The following TBC1D32 variants were observed in gnomAD, a reference collection of about 807,000 sequenced individuals.
TBC1D32 encodes protein broad-minded.
Under a neutral mutation model 170.3 loss-of-function variants are expected in TBC1D32, and 151 were observed. That is an observed-to-expected ratio of 0.89 (90% confidence interval 0.78 to 1.01). TBC1D32 has a LOEUF of 1.01. TBC1D32 is among the 50% of genes least tolerant of loss of function. The pLI is 0.00. For missense variants in TBC1D32, 1,464 were observed against 1,457.1 expected, an observed-to-expected ratio of 1.00 and a Z score of -0.08; for synonymous variants, 498 against 488.0, an observed-to-expected ratio of 1.02 and a Z score of -0.27.
intron 5 of TBC1D32, among the ~76,000 whole-genome samples, chr6:121,306,987 T>C (rs1807415652): frequency 1.3e-5 from 2 of 152,328 alleles, no homozygotes; most frequent in Admixed American, 6.5e-5. Context: ...CCATAATTCA[T>C]CATTTTTCAT....
At position 121,159,014 on chromosome 6, in the gene TBC1D32, C is replaced by T. The variant is rs555654197; in HGVS notation, c.2773+996G>A. Among the ~76,000 whole-genome samples, 11 of 152,322 alleles carry T rather than the reference C, an allele frequency of 7.2e-5. No homozygotes were observed. The East Asian group carries it at 1.4e-3, about 19-fold the overall frequency. On this transcript the variant is annotated intron_variant, in intron 24 of 31. Coordinates refer to ENST00000398212, the MANE Select transcript of TBC1D32 (RefSeq NM_152730.6). ...AATCTCAGACATTGTTCAACTACCA[C>T]AGTTCTCTGACTATAACTTGCTTCT...
intron 22 of TBC1D32, among the ~76,000 whole-genome samples, chr6:121,193,409 C>T (rs972368071): frequency 3.9e-5 from 6 of 152,176 alleles, no homozygotes; most frequent in African/African-American, 1.4e-4. Context: ...TGGGAGGGTC[C>T]AGAAGATACA....
chr6:121,243,366 C>T lies in TBC1D32; in HGVS notation c.2019-1027G>A, dbSNP rs557710529. Among the ~76,000 whole-genome samples, 115 of 152,042 alleles carry T rather than the reference C, an allele frequency of 7.6e-4. 2 individuals carry two copies. The South Asian group carries it at 0.024, about 31-fold the overall frequency. ...ATAATATTGACTGGCTGACCCAATC[C>T]CCATCTACAGCCACTTTTTCACCAA... On this transcript the variant is annotated intron_variant, in intron 17 of 31. Transcript: ENST00000398212.
At chr6:121,185,570 A>G (rs1237317331) in intron 22 of TBC1D32, among the ~76,000 whole-genome samples, 1 of 152,116 alleles carries the variant, frequency 6.6e-6, no homozygotes, top group Non-Finnish European at 1.5e-5. Context: ...AGATTGCCAT[A>G]GGCAGAGACC....
Position 121,304,588 on chromosome 6 carries a change from A to AT in TBC1D32, c.806dup (p.Asn269LysfsTer14), listed in dbSNP as rs776196407. On this transcript the variant is annotated frameshift_variant, in exon 7 of 32. Coordinates refer to ENST00000398212, the MANE Select transcript of TBC1D32 (RefSeq NM_152730.6). LOFTEE classifies it high-confidence loss of function. ...CACCAGCTGAAAGAGTAGGAATATGATTTTCCCTAGAAAGAAAGTATGACT... is the reference window on the plus strand; with the variant it reads ...CACCAGCTGAAAGAGTAGGAATATGATTTTTCCCTAGAAAGAAAGTATGACT... 1 of 1,611,398 alleles carries AT rather than the reference A, an allele frequency of 6.2e-7. No individual in the cohort carries two copies. The highest frequency in any genetic ancestry group is 1.1e-5 in the South Asian group (1 of 90,516).
chr6:121,145,398 T>C (rs1398515406), intron 24 of TBC1D32, among the ~76,000 whole-genome samples: 2 of 152,098 alleles, frequency 1.3e-5, no homozygotes, highest in African/African-American at 4.8e-5. Context: ...ATCTCGCTTA[T>C]GTGCAAACTG....
chr6:121,303,531 T>C, intron 9 of TBC1D32, 86 bp downstream of exon 9: 1 of 1,098,776 alleles, frequency 9.1e-7, no homozygotes, highest in Non-Finnish European at 1.2e-6. Flanking sequence ...TTAGAACTCT[T>C]AGCACACAGT....
chr6:121,086,945 T>C (rs1776326687), intron 31 of TBC1D32, among the ~76,000 whole-genome samples: 1 of 152,218 alleles, frequency 6.6e-6, no homozygotes, highest in African/African-American at 2.4e-5. Context: ...TGGATGTTTT[T>C]CCCCTTGGAA....
chr6:121,197,391 TAGG>T (rs1208248889), intron 22 of TBC1D32, among the ~76,000 whole-genome samples: 1 of 152,186 alleles, frequency 6.6e-6, no homozygotes, highest in Non-Finnish European at 1.5e-5. Context: ...GAATGGGTAG[TAGG>T]AGAAGGTAGT....
At chr6:121,223,386 C>A in intron 20 of TBC1D32, 34 bp from the exon 21 acceptor site, 1 of 1,417,866 alleles carries the variant, frequency 7.1e-7, no homozygotes, top group South Asian at 1.2e-5. Context: ...TTAAATGATT[C>A]ACTTTTGTCA....
chr6:121,099,464 G>A (rs967339844), intron 30 of TBC1D32, among the ~76,000 whole-genome samples: 8 of 151,670 alleles, frequency 5.3e-5, no homozygotes, highest in African/African-American at 7.3e-5. Context: ...TACTCTAGTT[G>A]AGCTTATTTT....
Position 121,292,080 on chromosome 6 carries a change from A to G in TBC1D32, c.1345T>C (p.Phe449Leu). ...TTTTTATTCTTCAGCTTAATAGGAA[A>G]TAGTTTTCTGCCTTGTTTATAGATC... ...LLIYKQGRKL[F>L]PIKLKNKKGL... The change falls in exon 12 of 32, where the codon TTT becomes CTT. Residue 449 changes from phenylalanine to leucine, a missense_variant. This residue lies in a region of TBC1D32 where 1,363 missense variants were observed against 1,338.1 expected (regional missense o/e 1.02). Coordinates refer to ENST00000398212, the MANE Select transcript of TBC1D32 (RefSeq NM_152730.6). 5 of 1,592,840 alleles carry G rather than the reference A, an allele frequency of 3.1e-6. No individual in the cohort carries two copies. Among genetic ancestry groups the G allele is most frequent in the Non-Finnish European group, 4.3e-6 (5 of 1,170,200 alleles).
intron 22 of TBC1D32, among the ~76,000 whole-genome samples, chr6:121,193,577 G>A (rs1790350751): frequency 6.6e-6 from 1 of 152,180 alleles, no homozygotes; most frequent in African/African-American, 2.4e-5. Flanking sequence ...ATCCCTATGT[G>A]GCAAGGGCCA....
At chr6:121,173,008 T>C (rs1787277175) in intron 22 of TBC1D32, among the ~76,000 whole-genome samples, 1 of 152,160 alleles carries the variant, frequency 6.6e-6, no homozygotes, top group South Asian at 2.1e-4. Context: ...GAGTGTTAAC[T>C]TGATTGTATT....
chr6:121,267,796 G>A (rs1800749228), intron 15 of TBC1D32, among the ~76,000 whole-genome samples: 3 of 151,694 alleles, frequency 2.0e-5, no homozygotes, highest in Admixed American at 2.0e-4. Context: ...CCTCAAGTGG[G>A]TCCCTCCCTC....
chr6:121,328,091 T>A (rs533525622), intron 1 of TBC1D32, among the ~76,000 whole-genome samples: 226 of 152,302 alleles, frequency 1.5e-3, no homozygotes, highest in Non-Finnish European at 2.7e-3. Context: ...AGCAGGCTGT[T>A]AACATTTTCA....
intron 22 of TBC1D32, among the ~76,000 whole-genome samples, chr6:121,186,020 T>C (rs1789162930): frequency 6.6e-6 from 1 of 152,106 alleles, no homozygotes; most frequent in Admixed American, 6.6e-5. Context: ...CATGAGTCTA[T>C]GAACTAAAGA....
intron 15 of TBC1D32, among the ~76,000 whole-genome samples, chr6:121,268,506 G>C (rs974257086): frequency 6.6e-6 from 1 of 152,122 alleles, no homozygotes; most frequent in African/African-American, 2.4e-5. Flanking sequence ...GGAAGAAAGG[G>C]TAACAGTGAA....
At chr6:121,239,699 T>C (rs950059927) in intron 19 of TBC1D32, among the ~76,000 whole-genome samples, 6 of 152,148 alleles carry the variant, frequency 3.9e-5, no homozygotes, top group African/African-American at 1.4e-4. Flanking sequence ...AATTCTGCAT[T>C]TCATACAACT....
Sources: gnomAD v4.1 joint callset for allele counts (sites outside exome capture counted in the v4.1 genomes callset) on GRCh38, gnomAD v4.1.1 for gene constraint, gnomAD v4.1.1 regional missense constraint, MANE v1.5 for transcripts, NCBI Gene and HGNC (gene_info 2026-07-23, HGNC 2026-07-21) for gene names.